The following EDN3 variants were observed in gnomAD, a reference collection of about 807,000 sequenced individuals.
EDN3 encodes the protein endothelin 3.
Under a neutral mutation model 21.4 loss-of-function variants are expected in EDN3, and 9 were observed. The ratio of observed to expected loss-of-function variants is 0.42; its 90% CI spans 0.25 to 0.73. The LOEUF (loss-of-function observed/expected upper bound fraction) is 0.73. Ranked by LOEUF, EDN3 falls within the 30% of genes least tolerant of loss-of-function variation. The probability of loss-of-function intolerance (pLI) is 0.26; values close to 1 mark genes in which losing one functional copy is unlikely to be tolerated. For synonymous variants in EDN3, 133 were observed against 126.2 expected (o/e 1.05, Z -0.36); for missense variants, 327 against 309.4 (o/e 1.06, Z -0.43).
chr20:59,313,352 G>A (rs1394213771), intron 2 of EDN3, among the ~76,000 whole-genome samples: 2 of 152,198 alleles, frequency 1.3e-5, no homozygotes, highest in Admixed American at 6.5e-5. Flanking sequence ...GCTGAGCCAG[G>A]GGGTTGTGCC....
In EDN3 at chr20:59,300,682, C is replaced by T; in HGVS notation, c.-131C>T. 1 of 863,276 alleles carries T rather than the reference C, an allele frequency of 1.2e-6. No homozygotes were observed. Among genetic ancestry groups the T allele is most frequent in the Non-Finnish European group, 1.8e-6 (1 of 555,920 alleles). 53.5% of individuals were successfully genotyped at this position (863,276 alleles called of 1,614,324 possible). On this transcript the variant is annotated 5_prime_UTR_variant, in exon 1 of 5. It introduces an in-frame stop codon into an upstream open reading frame of the 5' UTR. Coordinates refer to ENST00000337938, the MANE Select transcript of EDN3 (RefSeq NM_207034.3). ...CAACTCCTGGCCGGAGCTGGAGACG[C>T]AGCGAGCGATCGGCCGGCCTCGAAC...
At chr20:59,312,405 A>G (rs1600737046) in intron 2 of EDN3, among the ~76,000 whole-genome samples, 1 of 152,278 alleles carries the variant, frequency 6.6e-6, no homozygotes, top group Middle Eastern at 3.4e-3. Flanking sequence ...CCTGCACCAC[A>G]TAACAAAAAC....
chr20:59,300,752 C>G lies in EDN3; in HGVS notation c.-61C>G. 1 of 1,566,044 alleles carries G rather than the reference C, an allele frequency of 6.4e-7. No homozygotes were observed. The highest frequency in any genetic ancestry group is 8.7e-7 in the Non-Finnish European group (1 of 1,154,132). On this transcript the variant is annotated 5_prime_UTR_variant, in exon 1 of 5. Coordinates refer to ENST00000337938, the MANE Select transcript of EDN3 (RefSeq NM_207034.3). ...GGCCAGCTGTACCCGGCCCCAGTGC[C>G]CTTTCGCGGCCACAAGCGGCCGTCC...
intron 4 of EDN3, 53 bp from the exon 5 acceptor site, chr20:59,324,278 C>T (rs1206597513): frequency 1.9e-6 from 3 of 1,612,764 alleles, no homozygotes; most frequent in South Asian, 2.2e-5. Flanking sequence ...CAGAGCTACA[C>T]TTTCATAACA....
At position 59,324,548 on chromosome 20, in the gene EDN3, TG is replaced by T. The variant is rs1370889256; in HGVS notation, c.*90del. ...TTTCCACCTCTTTATAGACAAGAAGTGAATTTGCCTGGGGCAGAACACCCAC... is the reference window on the plus strand; with the variant it reads ...TTTCCACCTCTTTATAGACAAGAAGTAATTTGCCTGGGGCAGAACACCCAC... On this transcript the variant is annotated 3_prime_UTR_variant, in exon 5 of 5. Transcript: ENST00000337938. The T allele has an allele frequency of 1.3e-6, 2 of 1,590,666 alleles. No homozygotes were observed. Among genetic ancestry groups the T allele is most frequent in the African/African-American group, 2.7e-5 (2 of 74,278 alleles).
At chr20:59,316,015 C>G (rs942428776) in intron 2 of EDN3, among the ~76,000 whole-genome samples, 3 of 152,148 alleles carry the variant, frequency 2.0e-5, no homozygotes, top group East Asian at 3.9e-4. Flanking sequence ...GAAACCCTGT[C>G]TCTACTAAAA....
At position 59,322,503 on chromosome 20, in the gene EDN3, G is replaced by A. The variant is rs1462456110; in HGVS notation, c.588+86G>A. ...CGGGGGTGGGTGGAGGGTGTTTTGAGGGGATGGCATCTGGTCTGGTCCAGT... is the reference window on the plus strand; with the variant it reads ...CGGGGGTGGGTGGAGGGTGTTTTGAAGGGATGGCATCTGGTCTGGTCCAGT... On this transcript the variant is annotated intron_variant, in intron 4 of 4. Coordinates refer to ENST00000337938, the MANE Select transcript of EDN3 (RefSeq NM_207034.3). This position sits in a 1 kb window ranked among gnomAD's most constrained non-coding sequence, Gnocchi z 4.1. 6.4e-7 allele frequency: 1 copy of A among 1,573,462 alleles called. No individual in the cohort carries two copies.
At chr20:59,318,823 CATA>C (rs1263841082) in intron 2 of EDN3, among the ~76,000 whole-genome samples, 1 of 152,222 alleles carries the variant, frequency 6.6e-6, no homozygotes, top group African/African-American at 2.4e-5. Context: ...TGTGCAAATG[CATA>C]ATCAGCTGAC....
chr20:59,317,787 T>G (rs1990278573), intron 2 of EDN3, among the ~76,000 whole-genome samples: 1 of 152,258 alleles, frequency 6.6e-6, no homozygotes, highest in African/African-American at 2.4e-5. Context: ...AAAAGAATCC[T>G]GTCTCGCCAG....
At chr20:59,301,928 G>A (rs1362256509) in intron 2 of EDN3, among the ~76,000 whole-genome samples, 1 of 151,902 alleles carries the variant, frequency 6.6e-6, no homozygotes, top group Non-Finnish European at 1.5e-5. Context: ...CTGAGGGCCT[G>A]GCCCAAGAGA....
chr20:59,315,598 T>G (rs983953633), intron 2 of EDN3, among the ~76,000 whole-genome samples: 5 of 152,206 alleles, frequency 3.3e-5, no homozygotes, highest in African/African-American at 1.2e-4. Flanking sequence ...GAAAATAGTA[T>G]CAGGTACTCA....
chr20:59,303,210 T>A lies in EDN3; in HGVS notation c.365+1488T>A, dbSNP rs1477285442. On this transcript the variant is annotated intron_variant, in intron 2 of 4. Transcript: ENST00000337938. ...CCATAAATTCTGTAGCTGGTCGTGATACCCTGATTTGCTGGCTGGGCTGTG... is the reference window on the plus strand; with the variant it reads ...CCATAAATTCTGTAGCTGGTCGTGAAACCCTGATTTGCTGGCTGGGCTGTG... Among the ~76,000 whole-genome samples, 3 of 152,236 alleles carry A rather than the reference T, an allele frequency of 2.0e-5. No individual in the cohort carries two copies. The East Asian group carries it at 5.8e-4, about 29-fold the overall frequency.
Position 59,322,478 on chromosome 20 carries a change from C to G in EDN3, c.588+61C>G. The G allele has an allele frequency of 6.5e-4, 831 of 1,276,968 alleles. No homozygotes were observed. Among genetic ancestry groups the G allele is most frequent in the Non-Finnish European group, 8.6e-4 (756 of 875,746 alleles). 79.1% of individuals were successfully genotyped at this position (1,276,968 alleles called of 1,614,324 possible). On this transcript the variant is annotated intron_variant, in intron 4 of 4. Coordinates refer to ENST00000337938, the MANE Select transcript of EDN3 (RefSeq NM_207034.3). The surrounding 1 kb of genome is among the most constrained non-coding windows in gnomAD (Gnocchi z 4.1). ...GTGAAGATGTGACGTGTCATTCCTT[C>G]GGGGGTGGGTGGAGGGTGTTTTGAG... is the stretch of plus-strand genomic sequence containing the variant.
chr20:59,322,368 A>G lies in EDN3; in HGVS notation c.543-4A>G, dbSNP rs770090736. On this transcript the variant is annotated splice_polypyrimidine_tract_variant and splice_region_variant and intron_variant, in intron 3 of 4. Coordinates refer to ENST00000337938, the MANE Select transcript of EDN3 (RefSeq NM_207034.3). The surrounding 1 kb of genome is among the most constrained non-coding windows in gnomAD (Gnocchi z 4.1). ...ATTGATTAAAACCAGCTCTCTCCCC[A>G]CAGTAATTCAAGGACGGCAGAAAAA... 2 of 1,614,218 alleles carry G rather than the reference A, an allele frequency of 1.2e-6. No individual in the cohort carries two copies. The highest frequency in any genetic ancestry group is 1.1e-5 in the South Asian group (1 of 91,080).
At chr20:59,311,208 G>A (rs1989781201) in intron 2 of EDN3, among the ~76,000 whole-genome samples, 1 of 152,106 alleles carries the variant, frequency 6.6e-6, no homozygotes, top group Non-Finnish European at 1.5e-5. Flanking sequence ...TCAGTAGTTT[G>A]AGGTAAGTGA....
Position 59,301,387 on chromosome 20 carries a change from G to A in EDN3, c.53-23G>A, listed in dbSNP as rs756708063. 1.2e-6 allele frequency: 2 copies of A among 1,603,826 alleles called. 1 individual carries two copies. Among genetic ancestry groups the A allele is most frequent in the Admixed American group, 3.3e-5 (2 of 60,000 alleles). ...AGGGGTCTGCACACTCAGCTTAGGA[G>A]CCCCTCAATCTGCCTTCTGCAGGAT... is the stretch of plus-strand genomic sequence containing the variant. On this transcript the variant is annotated intron_variant, in intron 1 of 4. Coordinates refer to ENST00000337938, the MANE Select transcript of EDN3 (RefSeq NM_207034.3).
At chr20:59,315,653 A>G (rs1181060737) in intron 2 of EDN3, among the ~76,000 whole-genome samples, 1 of 152,224 alleles carries the variant, frequency 6.6e-6, no homozygotes, top group Non-Finnish European at 1.5e-5. Flanking sequence ...GCTTTATGGA[A>G]TAAACCACTA....
At chr20:59,311,663 T>C (rs1989822910) in intron 2 of EDN3, among the ~76,000 whole-genome samples, 1 of 151,942 alleles carries the variant, frequency 6.6e-6, no homozygotes, top group African/African-American at 2.4e-5. Context: ...CATGTTTTTT[T>C]TTTTTTTCCA....
At chr20:59,318,416 T>G (rs1385833706) in intron 2 of EDN3, among the ~76,000 whole-genome samples, 2 of 152,214 alleles carry the variant, frequency 1.3e-5, no homozygotes, top group Non-Finnish European at 2.9e-5. Context: ...GAGATAACAC[T>G]TTTTCGTTTC....
Sources: gnomAD v4.1 joint callset for allele counts (sites outside exome capture counted in the v4.1 genomes callset) on GRCh38, gnomAD v4.1.1 for gene constraint, Gnocchi (gnomAD v3.1) non-coding constraint, MANE v1.5 for transcripts, NCBI Gene and HGNC (gene_info 2026-07-23, HGNC 2026-07-21) for gene names.